The following PLGRKT variants were observed in gnomAD, a reference collection of about 807,000 sequenced individuals.
PLGRKT encodes plasminogen receptor with a C-terminal lysine.
A neutral mutation model predicts 18.5 loss-of-function variants in PLGRKT; 22 were observed. The observed-to-expected ratio is 1.19, with a 90% confidence interval of 0.85 to 1.70. PLGRKT has a LOEUF of 1.70. PLGRKT is among the 40% of genes most tolerant of loss of function. The pLI, the probability that PLGRKT is intolerant of heterozygous loss-of-function variation, is 0.00. For synonymous variants in PLGRKT, 72 were observed against 52.8 expected, an observed-to-expected ratio of 1.36 and a Z score of -1.58; for missense variants, 235 against 174.4, an observed-to-expected ratio of 1.35 and a Z score of -1.96.
chr9:5,368,627 G>A lies in PLGRKT; in HGVS notation c.82-6739C>T, dbSNP rs144730751. The stretch of plus-strand genomic sequence containing the variant: ...AGCAAGTGATGAAAAACTACCTGTT[G>A]GGTTCTATGCTCACCATTTGGGTGA... On this transcript the variant is annotated intron_variant, in intron 3 of 5. Transcript: ENST00000223864. 2.6e-3 allele frequency among the ~76,000 whole-genome samples: 402 copies of A among 152,228 alleles called. 4 individuals are homozygous for A. Among genetic ancestry groups the A allele is most frequent in the African/African-American group, 9.4e-3 (391 of 41,542 alleles).
intron 3 of PLGRKT, among the ~76,000 whole-genome samples, chr9:5,423,897 T>C (rs1818624780): frequency 9.5e-6 from 1 of 105,210 alleles, no homozygotes; most frequent in Admixed American, 9.3e-5. Flanking sequence ...CTATAATATA[T>C]ATTACATATA....
In PLGRKT at chr9:5,396,212, A is replaced by G. The variant is rs1289525682; in HGVS notation, c.82-34324T>C. The stretch of plus-strand genomic sequence containing the variant: ...CCCAGCAAACCTAACACTTTTAATT[A>G]TACTTTACAATTCTGAAAGACTCTC... On this transcript the variant is annotated intron_variant, in intron 3 of 5. Transcript: ENST00000223864. Among the ~76,000 whole-genome samples the G allele has an allele frequency of 2.0e-5, 3 of 151,732 alleles. 1 individual carries two copies. Among genetic ancestry groups the G allele is most frequent in the African/African-American group, 7.3e-5 (3 of 41,126 alleles).
chr9:5,409,872 A>C lies in PLGRKT; in HGVS notation c.81+22025T>G, dbSNP rs1034531. On this transcript the variant is annotated intron_variant, in intron 3 of 5. Coordinates refer to ENST00000223864, the MANE Select transcript of PLGRKT (RefSeq NM_018465.4). ...CCCAGTGTATCTTGGAATACCTCCA[A>C]TGTATCTTGGAATAATGAAATTCTA... Among the ~76,000 whole-genome samples the C allele has an allele frequency of 3.3e-5, 5 of 152,090 alleles. No individual in the cohort carries two copies. The East Asian group carries it at 9.7e-4, about 29-fold the overall frequency.
At chr9:5,388,827 T>C (rs2131106241) in intron 3 of PLGRKT, among the ~76,000 whole-genome samples, 1 of 152,186 alleles carries the variant, frequency 6.6e-6, no homozygotes, top group African/African-American at 2.4e-5. Context: ...ATCTCATAAT[T>C]TGTTACAAAG....
chr9:5,374,930 C>CT (rs1817599597), intron 3 of PLGRKT, among the ~76,000 whole-genome samples: 1 of 151,994 alleles, frequency 6.6e-6, no homozygotes, highest in South Asian at 2.1e-4. Context: ...TTGTATAAAT[C>CT]TAAGATTTCT....
At chr9:5,365,255 T>TG (rs1817360323) in intron 3 of PLGRKT, among the ~76,000 whole-genome samples, 3 of 152,190 alleles carry the variant, frequency 2.0e-5, no homozygotes, top group South Asian at 2.1e-4. Context: ...ATAATGATGA[T>TG]GGAGTATGTC....
At chr9:5,406,319 C>T (rs1355390861) in intron 3 of PLGRKT, among the ~76,000 whole-genome samples, 1 of 152,124 alleles carries the variant, frequency 6.6e-6, no homozygotes, top group Non-Finnish European at 1.5e-5. Context: ...CGTATGTTCA[C>T]TGCAGCACTA....
At chr9:5,382,502 G>A (rs560533473) in intron 3 of PLGRKT, among the ~76,000 whole-genome samples, 2 of 152,324 alleles carry the variant, frequency 1.3e-5, no homozygotes, top group South Asian at 4.1e-4. Context: ...AAAGAAGAAT[G>A]AGCATGGTGA....
chr9:5,375,994 C>T (rs937822694), intron 3 of PLGRKT, among the ~76,000 whole-genome samples: 6 of 152,162 alleles, frequency 3.9e-5, no homozygotes, highest in African/African-American at 1.4e-4. Context: ...TGTACATATA[C>T]ACACAACAGG....
chr9:5,385,390 G>T (rs1817823102), intron 3 of PLGRKT, among the ~76,000 whole-genome samples: 1 of 151,602 alleles, frequency 6.6e-6, no homozygotes, highest in Non-Finnish European at 1.5e-5. Flanking sequence ...TAGAGACATG[G>T]TTTCACTGTG....
At chr9:5,419,862 C>A (rs927348895) in intron 3 of PLGRKT, among the ~76,000 whole-genome samples, 9 of 152,188 alleles carry the variant, frequency 5.9e-5, no homozygotes, top group Admixed American at 3.3e-4. Context: ...TCCGCAACTC[C>A]ATTACTAGGT....
chr9:5,425,827 G>A (rs1325423673), intron 3 of PLGRKT, among the ~76,000 whole-genome samples: 1 of 151,948 alleles, frequency 6.6e-6, no homozygotes, highest in Non-Finnish European at 1.5e-5. Flanking sequence ...TTACTGAGCT[G>A]TGATTTATCT....
At chr9:5,367,397 T>C (rs971056734) in intron 3 of PLGRKT, among the ~76,000 whole-genome samples, 1 of 151,950 alleles carries the variant, frequency 6.6e-6, no homozygotes. Context: ...CAGAAACGTA[T>C]GCCAATGGAA....
At chr9:5,383,199 G>A (rs956095802) in intron 3 of PLGRKT, among the ~76,000 whole-genome samples, 1 of 152,208 alleles carries the variant, frequency 6.6e-6, no homozygotes, top group Admixed American at 6.5e-5. Flanking sequence ...ACTGGAAGCT[G>A]CAAAAGGCAA....
At chr9:5,386,494 CCA>C (rs961732562) in intron 3 of PLGRKT, among the ~76,000 whole-genome samples, 8 of 151,548 alleles carry the variant, frequency 5.3e-5, no homozygotes, top group South Asian at 4.2e-4. Context: ...CAGTGGACCC[CCA>C]CACACACACA....
chr9:5,374,121 G>C (rs1469382650), intron 3 of PLGRKT, among the ~76,000 whole-genome samples: 2 of 152,216 alleles, frequency 1.3e-5, no homozygotes. Flanking sequence ...GTTCTTGGCT[G>C]TAGGCTTATA....
At chr9:5,383,047 A>G (rs1817775715) in intron 3 of PLGRKT, among the ~76,000 whole-genome samples, 1 of 152,224 alleles carries the variant, frequency 6.6e-6, no homozygotes, top group African/African-American at 2.4e-5. Flanking sequence ...ATCACTTTAG[A>G]TCACCCAAGT....
chr9:5,431,824 T>C (rs955976734), intron 3 of PLGRKT, 73 bp downstream of exon 3: 8 of 732,368 alleles, frequency 1.1e-5, no homozygotes, highest in East Asian at 5.0e-5. Flanking sequence ...AAAGAGAATG[T>C]ACGGCTGGAG....
At chr9:5,370,965 T>A (rs1817503057) in intron 3 of PLGRKT, among the ~76,000 whole-genome samples, 1 of 152,194 alleles carries the variant, frequency 6.6e-6, no homozygotes, top group African/African-American at 2.4e-5. Context: ...CCTTTATCAA[T>A]AACTTATAAA....
Sources: allele counts gnomAD v4.1 joint callset (sites outside exome capture counted in the v4.1 genomes callset), GRCh38; gene constraint gnomAD v4.1.1; transcripts MANE v1.5; gene names NCBI Gene and HGNC (gene_info 2026-07-23, HGNC 2026-07-21).